Variants in ATM observed in about 807,000 individuals in gnomAD.
ATM encodes the protein ATM serine/threonine kinase, also known as serine-protein kinase ATM.
A neutral mutation model predicts 387.0 loss-of-function variants in ATM; 308 were observed. That is an observed-to-expected ratio of 0.80 (90% CI 0.73 to 0.87). The LOEUF is 0.87. ATM is among the 40% of genes least tolerant of loss of function. The pLI is 0.00. For synonymous variants in ATM, 1,156 were observed against 1,187.3 expected (o/e 0.97, Z 0.54); for missense variants, 3,312 against 3,560.9 (o/e 0.93, Z 1.78).
rs778685122 is a variant in ATM at position 108,295,062 on chromosome 11, G to A, written c.4909+3G>A. 1.9e-5 allele frequency: 31 copies of A among 1,613,558 alleles called. No individual in the cohort carries two copies. The highest frequency in any genetic ancestry group is 2.6e-5 in the Non-Finnish European group (31 of 1,179,768). On this transcript the variant is annotated splice_donor_region_variant and intron_variant, in intron 32 of 62. Transcript: ENST00000675843. ...GGACATTATGAGAGCTTCTCAGGGTGCTAATTTTAAATGACATGGGCTATT... is the reference window on the plus strand; with the variant it reads ...GGACATTATGAGAGCTTCTCAGGGTACTAATTTTAAATGACATGGGCTATT...
chr11:108,279,741 G>A (rs1009848838), intron 23 of ATM, 133 bp downstream of exon 23: 1 of 736,662 alleles, frequency 1.4e-6, no homozygotes, highest in Non-Finnish European at 2.4e-6. Context: ...TAAAACAACT[G>A]TATGAATTGA....
In ATM at chr11:108,308,010, C is replaced by T. The variant is rs78330259; in HGVS notation, c.5762+26C>T. 7.1e-4 allele frequency: 1,112 copies of T among 1,571,958 alleles called. 10 individuals carry two copies. In the African/African-American group the frequency reaches 0.013, roughly 18 times the overall value. The stretch of plus-strand genomic sequence containing the variant: ...GTAATGTAATGAGTGTTGCTTCTTA[C>T]GTTTAGGATCTAGAGTGTAACTTGT... On this transcript the variant is annotated intron_variant, in intron 38 of 62. Transcript: ENST00000675843.
At position 108,312,417 on chromosome 11, in the gene ATM, T is replaced by G. The variant is rs2084241491; in HGVS notation, c.5925T>G (p.Leu1975=). Residue 1975 remains leucine (L), a synonymous_variant, in exon 40 of 63, where the codon CTT becomes CTG. Coordinates refer to ENST00000675843, the MANE Select transcript of ATM (RefSeq NM_000051.4). ...KSMDDQEKRS[L]AFEEGSQSTT... is the part of the protein sequence containing the mutation. ...GTGTTCTTGTGACAAACAGAAGTCT[T>G]GCATTTGAAGAAGGAAGCCAGAGTA... The G allele has an allele frequency of 6.3e-7, 1 of 1,590,282 alleles. No individual in the cohort carries two copies. The highest frequency in any genetic ancestry group is 8.6e-7 in the Non-Finnish European group (1 of 1,158,524).
intron 40 of ATM, among the ~76,000 whole-genome samples, chr11:108,314,592 A>G (rs1482682086): frequency 6.6e-6 from 1 of 152,092 alleles, no homozygotes; most frequent in African/African-American, 2.4e-5. Context: ...TTGCTGATCC[A>G]AATCATTAGT....
Position 108,328,868 on chromosome 11 carries a change from C to T in ATM, c.7090-153C>T, listed in dbSNP as rs565293166. ...CCTGGGCCACATGCGGCCCATGGGC[C>T]GTGGGTTGGACAAGTTTGCAATAGT... On this transcript the variant is annotated intron_variant, in intron 48 of 62. Transcript: ENST00000675843. Among the ~76,000 whole-genome samples, 15 of 152,256 alleles carry T rather than the reference C, an allele frequency of 9.9e-5. No homozygotes were observed. The East Asian group carries it at 2.5e-3, about 25-fold the overall frequency.
At chr11:108,241,942 T>C (rs184137331) in intron 5 of ATM, among the ~76,000 whole-genome samples, 5 of 151,648 alleles carry the variant, frequency 3.3e-5, no homozygotes, top group South Asian at 4.2e-4. Context: ...TAAGGTCTTA[T>C]TATGTTGCTT....
At chr11:108,310,839 TCTGA>T (rs1396833740) in intron 39 of ATM, among the ~76,000 whole-genome samples, 1 of 152,218 alleles carries the variant, frequency 6.6e-6, no homozygotes, top group East Asian at 1.9e-4. Flanking sequence ...TTCGCTTTCC[TCTGA>T]CTGAGTTAGA....
At position 108,253,969 on chromosome 11, in the gene ATM, A is replaced by T. The variant is rs1412443702; in HGVS notation, c.2054A>T (p.Asn685Ile). 6.2e-7 allele frequency: 1 copy of T among 1,614,134 alleles called. No individual in the cohort carries two copies. Among genetic ancestry groups the T allele is most frequent in the Admixed American group, 1.7e-5 (1 of 60,032 alleles). Residue 685 changes from asparagine to isoleucine, a missense_variant, in exon 13 of 63, where the codon AAT becomes ATT. Asn to Ile is a moderately radical substitution (Grantham distance 149). Transcript: ENST00000675843. ...QSSIGFSVHQNLKESLDRCLL... is the reference protein window; with the variant it reads ...QSSIGFSVHQILKESLDRCLL... ...AGTATTGGCTTCTCTGTCCACCAGAATCTCAAGGAATCACTGGATCGCTGT... is the reference window on the plus strand; with the variant it reads ...AGTATTGGCTTCTCTGTCCACCAGATTCTCAAGGAATCACTGGATCGCTGT...
chr11:108,310,217 A>C lies in ATM; in HGVS notation c.5820A>C (p.Glu1940Asp), dbSNP rs2084028240. ...TCTGGCTGGATTTAAATTATCTAGA[A>C]GTTGCCAAGGTAGCTCAGTCTTGTG... ...DAFWLDLNYLEVAKVAQSCAA... is the reference protein window; with the variant it reads ...DAFWLDLNYLDVAKVAQSCAA... The change falls in exon 39 of 63, where the codon GAA (glutamate) becomes GAC (aspartate). Residue 1940 changes from glutamate to aspartate, a missense_variant. Glu to Asp is a conservative substitution (Grantham distance 45). Transcript: ENST00000675843. 6.2e-7 allele frequency: 1 copy of C among 1,613,710 alleles called. No individual in the cohort carries two copies. Among genetic ancestry groups the C allele is most frequent in the Non-Finnish European group, 8.5e-7 (1 of 1,179,782 alleles).
rs999143947 is a variant in ATM, at chr11:108,366,378, C to T, written c.*870C>T. On this transcript the variant is annotated 3_prime_UTR_variant, in exon 63 of 63. Coordinates refer to ENST00000675843, the MANE Select transcript of ATM (RefSeq NM_000051.4). ...TGCATCATTTTTCAGATCTCTGTTTCTTGATGTCATTTTTAATGTTTTTTT... is the reference window on the plus strand; with the variant it reads ...TGCATCATTTTTCAGATCTCTGTTTTTTGATGTCATTTTTAATGTTTTTTT... 1.4e-5 allele frequency: 3 copies of T among 215,438 alleles called. No homozygotes were observed. Among genetic ancestry groups the T allele is most frequent in the Non-Finnish European group, 2.8e-5 (3 of 107,084 alleles). The allele number at this position is 215,438 out of a possible 1,614,324, so 13.3% of individuals were successfully genotyped here. A position where few individuals can be genotyped will look rare whatever the true frequency, so the allele number is the denominator to read the frequency against.
chr11:108,348,638 G>T (rs1022345777), intron 59 of ATM, among the ~76,000 whole-genome samples: 3 of 151,580 alleles, frequency 2.0e-5, no homozygotes, highest in African/African-American at 7.3e-5. Flanking sequence ...TTAATCACTA[G>T]GTGATAATTT....
chr11:108,341,013 C>T (rs946912203), intron 56 of ATM, among the ~76,000 whole-genome samples: 7 of 151,916 alleles, frequency 4.6e-5, no homozygotes, highest in African/African-American at 1.2e-4. Context: ...TTCCATTTTC[C>T]TGTTCAGAAC....
At position 108,327,665 on chromosome 11, in the gene ATM, T is replaced by TA. The variant is rs587781299; in HGVS notation, c.6997dup (p.Thr2333AsnfsTer40). The TA allele has an allele frequency of 1.6e-5, 26 of 1,613,838 alleles. No homozygotes were observed. The highest frequency in any genetic ancestry group is 2.2e-5 in the Non-Finnish European group (26 of 1,179,916). On this transcript the variant is annotated frameshift_variant, in exon 48 of 63. Transcript: ENST00000675843. LOFTEE classifies it high-confidence loss of function. ...TACAGAACAATCCCAGCCTAAAACT[T>TA]ACATACACAGAATGTCTGAGGGTTT...
At chr11:108,246,601 A>T (rs945885977) in intron 7 of ATM, among the ~76,000 whole-genome samples, 1 of 152,220 alleles carries the variant, frequency 6.6e-6, no homozygotes, top group Admixed American at 6.5e-5. Flanking sequence ...CACTAGTTGA[A>T]GGAACTCGTA....
At chr11:108,365,293 C>T (rs2091226944) in intron 62 of ATM, 32 bp from the exon 63 acceptor site, 2 of 1,614,030 alleles carry the variant, frequency 1.2e-6, no homozygotes, top group Non-Finnish European at 1.7e-6. Flanking sequence ...AAACTGTTCA[C>T]CTCACTGAAA....
intron 18 of ATM, among the ~76,000 whole-genome samples, 177 bp downstream of exon 18, chr11:108,268,786 G>T (rs1180254535): frequency 3.3e-5 from 5 of 152,198 alleles, no homozygotes; most frequent in African/African-American, 1.2e-4. Context: ...GCAAATTTAA[G>T]TGGATGCTGA....
At chr11:108,346,073 A>C (rs2088345411) in intron 58 of ATM, among the ~76,000 whole-genome samples, 165 bp downstream of exon 58, 1 of 152,116 alleles carries the variant, frequency 6.6e-6, no homozygotes, top group African/African-American at 2.4e-5. Context: ...TTTCTTGTTC[A>C]TCCTGATTCT....
At chr11:108,332,154 A>C in intron 52 of ATM, 117 bp downstream of exon 52, 1 of 1,299,416 alleles carries the variant, frequency 7.7e-7, no homozygotes, top group Non-Finnish European at 1.1e-6. Flanking sequence ...CAAGGCTGGC[A>C]CGGTGGCTCA....
rs2091451599 is a variant in ATM at position 108,368,602 on chromosome 11, G to A, written c.*3094G>A. 3 of 218,162 alleles carry A rather than the reference G, an allele frequency of 1.4e-5. No individual in the cohort carries two copies. The highest frequency in any genetic ancestry group is 2.2e-5 in the African/African-American group (1 of 44,484). The allele number at this position is 218,162 out of a possible 1,614,324, so 13.5% of individuals were successfully genotyped here. A position where few individuals can be genotyped will look rare whatever the true frequency, so the allele number is the denominator to read the frequency against. On this transcript the variant is annotated 3_prime_UTR_variant, in exon 63 of 63. Transcript: ENST00000675843. The stretch of plus-strand genomic sequence containing the variant: ...TATCTAACTTGAAAAGATTTCAGGC[G>A]AAAAGAATCTGGGGTTTGCCAGTCA...
Sources: gnomAD v4.1 joint callset for allele counts (sites outside exome capture counted in the v4.1 genomes callset) on GRCh38, gnomAD v4.1.1 for gene constraint, MANE v1.5 for transcripts, NCBI Gene and HGNC (gene_info 2026-07-23, HGNC 2026-07-21) for gene names.